Variants in MAP1A observed in about 807,000 individuals in gnomAD.
MAP1A encodes microtubule associated protein 1A.
Under a neutral mutation model 185.9 loss-of-function variants are expected in MAP1A, and 42 were observed. The observed-to-expected ratio is 0.23, with a 90% CI of 0.18 to 0.29. The LOEUF (loss-of-function observed/expected upper bound fraction) is 0.29. Among genes scored for constraint, MAP1A ranks in the 10% least tolerant of loss-of-function variants. MAP1A has a pLI of 1.00. For missense variants in MAP1A, 2,995 were observed against 3,450.4 expected, an observed-to-expected ratio of 0.87 and a Z score of 3.31; for synonymous variants, 1,229 against 1,335.9, an observed-to-expected ratio of 0.92 and a Z score of 1.74.
In MAP1A at chr15:43,529,412, C is replaced by T. The variant is rs2584698; in HGVS notation, c.7939C>T (p.Pro2647Ser). 1.2e-6 allele frequency: 2 copies of T among 1,613,812 alleles called. No individual in the cohort carries two copies. The highest frequency in any genetic ancestry group is 3.3e-5 in the Admixed American group (2 of 59,996). ...TCGAGCATCCCGGGCCCCACCTCGA[C>T]CACGCAGCACCACAAGCCAGGTCAC... Reference protein sequence around the residue: ...ADRASRAPPRPRSTTSQVTPA... With the variant: ...ADRASRAPPRSRSTTSQVTPA... The change falls in exon 4 of 6, where the codon CCA becomes TCA. Residue 2647 changes from proline (P) to serine (S), a missense_variant. This residue lies in a region of MAP1A where 2,728 missense variants were observed against 2,986.0 expected (regional missense o/e 0.91). Coordinates refer to ENST00000300231, the MANE Select transcript of MAP1A (RefSeq NM_002373.6). The surrounding 1 kb of genome is among the most constrained non-coding windows in gnomAD (Gnocchi z 4.3).
rs986319754 is a variant in MAP1A, at chr15:43,530,824, A to C, written c.*600A>C. On this transcript the variant is annotated 3_prime_UTR_variant, in exon 6 of 6. Coordinates refer to ENST00000300231, the MANE Select transcript of MAP1A (RefSeq NM_002373.6). The stretch of plus-strand genomic sequence containing the variant: ...CAGTATCTGAATGTCTCAATTTAAA[A>C]CTTGAAGCTCTTTAGACCAATAGAC... The C allele has an allele frequency of 5.2e-5, 8 of 154,980 alleles. No homozygotes were observed. 9.6% of individuals were successfully genotyped at this position (154,980 alleles called of 1,614,324 possible).
chr15:43,521,473 C>G lies in MAP1A; in HGVS notation c.-1C>G. On this transcript the variant is annotated 5_prime_UTR_variant, in exon 4 of 6. Coordinates refer to ENST00000300231, the MANE Select transcript of MAP1A (RefSeq NM_002373.6). This position sits in a 1 kb window ranked among gnomAD's most constrained non-coding sequence, Gnocchi z 4.6. Reference sequence around the variant, plus strand: ...TAAACCCTGAGCCCACTCTGCCCACCATGGACGGCGTGGCTGAGTTCTCCG... The same window carrying G: ...TAAACCCTGAGCCCACTCTGCCCACGATGGACGGCGTGGCTGAGTTCTCCG... 6.2e-7 allele frequency: 1 copy of G among 1,614,178 alleles called. No homozygotes were observed. The highest frequency in any genetic ancestry group is 8.5e-7 in the Non-Finnish European group (1 of 1,180,032).
Position 43,529,657 on chromosome 15 carries a change from G to C in MAP1A, c.8043G>C (p.Leu2681Phe). 1 of 1,614,120 alleles carries C rather than the reference G, an allele frequency of 6.2e-7. No homozygotes were observed. Among genetic ancestry groups the C allele is most frequent in the Non-Finnish European group, 8.5e-7 (1 of 1,179,984 alleles). The change falls in exon 5 of 6, where the codon TTG becomes TTC. Residue 2681 changes from leucine (L) to phenylalanine (F), a missense_variant. Physicochemically the swap from Leu to Phe is conservative, Grantham distance 22. Transcript: ENST00000300231. The surrounding 1 kb of genome is among the most constrained non-coding windows in gnomAD (Gnocchi z 4.3). ...CCTGGCTTGTCTCTACAGTGGCCTT[G>C]AGTTCCAAGGGCAGCTCTGGTGCCC... The part of the protein sequence containing the change: ...VNGLKAGPMA[L>F]SSKGSSGAPV...
chr15:43,522,844 G>C lies in MAP1A; in HGVS notation c.1371G>C (p.Lys457Asn). Residue 457 changes from lysine (K) to asparagine (N), a missense_variant, in exon 4 of 6, where the codon AAG (lysine) becomes AAC (asparagine). By Grantham distance (94) the Lys-to-Asn change is moderately conservative. Coordinates refer to ENST00000300231, the MANE Select transcript of MAP1A (RefSeq NM_002373.6). This position sits in a 1 kb window ranked among gnomAD's most constrained non-coding sequence, Gnocchi z 5.9. ...EKRKDTKPEL[K>N]KISKPDLKPF... ...GGAAAGATACCAAACCTGAGCTCAAGAAGATTTCCAAGCCAGACCTAAAGC... is the reference window on the plus strand; with the variant it reads ...GGAAAGATACCAAACCTGAGCTCAACAAGATTTCCAAGCCAGACCTAAAGC... 1 of 1,601,960 alleles carries C rather than the reference G, an allele frequency of 6.2e-7. No individual in the cohort carries two copies. Among genetic ancestry groups the C allele is most frequent in the Non-Finnish European group, 8.5e-7 (1 of 1,173,316 alleles).
In MAP1A at chr15:43,527,193, A is replaced by G. The variant is rs2079348338; in HGVS notation, c.5720A>G (p.Lys1907Arg). 6.2e-7 allele frequency: 1 copy of G among 1,614,050 alleles called. No individual in the cohort carries two copies. Among genetic ancestry groups the G allele is most frequent in the Non-Finnish European group, 8.5e-7 (1 of 1,179,976 alleles). Residue 1907 changes from lysine (K) to arginine (R), a missense_variant, in exon 4 of 6, where the codon AAG becomes AGG. Physicochemically the swap from Lys to Arg is conservative, Grantham distance 26. Transcript: ENST00000300231. Reference sequence around the variant, plus strand: ...GGTGGGCCATACTCCCCCCTGGGGAAGGACTACCGCAAGGCTGAAGGGGAA... The same window carrying G: ...GGTGGGCCATACTCCCCCCTGGGGAGGGACTACCGCAAGGCTGAAGGGGAA... ...LEGGPYSPLG[K>R]DYRKAEGERE...
rs563009950 is a variant in MAP1A, at chr15:43,523,492, C to A, written c.2019C>A (p.Asp673Glu). 4 of 1,613,808 alleles carry A rather than the reference C, an allele frequency of 2.5e-6. No homozygotes were observed. The highest frequency in any genetic ancestry group is 4.5e-5 in the East Asian group (2 of 44,884). Residue 673 changes from aspartate (D) to glutamate (E), a missense_variant, in exon 4 of 6, where the codon GAC (aspartate) becomes GAA (glutamate). Asp to Glu is a conservative substitution (Grantham distance 45, BLOSUM62 2). This residue lies in a region of MAP1A where 2,728 missense variants were observed against 2,986.0 expected (regional missense o/e 0.91). Coordinates refer to ENST00000300231, the MANE Select transcript of MAP1A (RefSeq NM_002373.6). ...EVHPSDEEEEDATKAEGFYQK... is the reference protein window; with the variant it reads ...EVHPSDEEEEEATKAEGFYQK... ...ACCCTTCAGATGAGGAGGAAGAGGA[C>A]GCGACAAAAGCTGAGGGTTTTTACC... is the stretch of plus-strand genomic sequence containing the variant.
rs2079351908 is a variant in MAP1A, at chr15:43,527,740, GT to G, written c.6268del (p.Ser2090ProfsTer131). The G allele has an allele frequency of 1.2e-6, 2 of 1,613,404 alleles. No homozygotes were observed. The highest frequency in any genetic ancestry group is 1.7e-6 in the Non-Finnish European group (2 of 1,179,850). On this transcript the variant is annotated frameshift_variant, in exon 4 of 6. Coordinates refer to ENST00000300231, the MANE Select transcript of MAP1A (RefSeq NM_002373.6). LOFTEE classifies it high-confidence loss of function. The part of the protein sequence containing the change: ...NILSCSPDRR[S>X]PSPKESGRSH... ...TCCTGAGCTGCAGCCCAGATAGGAG[GT>G]CCCCATCCCCCAAGGAATCAGGCCG... is the stretch of plus-strand genomic sequence containing the variant.
exon 1 of MAP1A, chr15:43,511,195 G>A (rs1261494649): frequency 1.3e-6 from 2 of 1,550,426 alleles, no homozygotes; most frequent in Non-Finnish European, 1.7e-6. Context: ...CAGAGAGTCA[G>A]CTGAGGGCCG....
At position 43,527,108 on chromosome 15, in the gene MAP1A, G is replaced by T. The variant is rs1341552051; in HGVS notation, c.5635G>T (p.Gly1879Cys). The stretch of plus-strand genomic sequence containing the variant: ...CCATACTCCTGCACCCTTCTCTTGG[G>T]GCACAGCCGAGTATGACAGTGTGGT... ...ESHTPAPFSW[G>C]TAEYDSVVAA... The change falls in exon 4 of 6, where the codon GGC (glycine) becomes TGC (cysteine). Residue 1879 changes from glycine to cysteine, a missense_variant. Coordinates refer to ENST00000300231, the MANE Select transcript of MAP1A (RefSeq NM_002373.6). 1.3e-6 allele frequency: 2 copies of T among 1,599,402 alleles called. No individual in the cohort carries two copies. Among genetic ancestry groups the T allele is most frequent in the East Asian group, 4.5e-5 (2 of 44,730 alleles).
Position 43,521,276 on chromosome 15 carries a change from A to T in MAP1A, c.-150-48A>T. ...TAGGGTACTGAATCTAAGTCAGACC[A>T]AAACAACTCTAGTGACCTGATCAGG... On this transcript the variant is annotated intron_variant, in intron 3 of 5. Coordinates refer to ENST00000300231, the MANE Select transcript of MAP1A (RefSeq NM_002373.6). The surrounding 1 kb of genome is among the most constrained non-coding windows in gnomAD (Gnocchi z 4.6). 1 of 1,518,400 alleles carries T rather than the reference A, an allele frequency of 6.6e-7. No homozygotes were observed. The highest frequency in any genetic ancestry group is 8.8e-7 in the Non-Finnish European group (1 of 1,135,772). 94.1% of individuals were successfully genotyped at this position (1,518,400 alleles called of 1,614,324 possible).
At chr15:43,520,499 A>G in intron 1 of MAP1A, 142 bp from the exon 2 acceptor site, 2 of 661,680 alleles carry the variant, frequency 3.0e-6, no homozygotes, top group Non-Finnish European at 5.4e-6. Flanking sequence ...CCTAGACCTT[A>G]CTCAGCAGTA....
intron 1 of MAP1A, among the ~76,000 whole-genome samples, chr15:43,518,223 C>T (rs912016950): frequency 1.3e-5 from 2 of 152,196 alleles, no homozygotes. Flanking sequence ...GTCACTAAGA[C>T]GTGGCACGCG....
chr15:43,525,258 C>T lies in MAP1A; in HGVS notation c.3785C>T (p.Thr1262Ile), dbSNP rs1156948972. Residue 1262 changes from threonine (T) to isoleucine (I), a missense_variant, in exon 4 of 6, where the codon ACA (threonine) becomes ATA (isoleucine). Transcript: ENST00000300231. ...TCTGTTCCAGAGCCCCATGCAGCCA[C>T]AGCGTCACCTCCCACAGATGGGACA... ...PMSVPEPHAA[T>I]ASPPTDGTTR... The T allele has an allele frequency of 2.5e-6, 4 of 1,614,202 alleles. No homozygotes were observed. The highest frequency in any genetic ancestry group is 2.2e-5 in the East Asian group (1 of 44,890).
In MAP1A at chr15:43,523,172, G is replaced by A. The variant is rs1023709094; in HGVS notation, c.1699G>A (p.Gly567Arg). 6.2e-7 allele frequency: 1 copy of A among 1,614,086 alleles called. No individual in the cohort carries two copies. Among genetic ancestry groups the A allele is most frequent in the Non-Finnish European group, 8.5e-7 (1 of 1,180,006 alleles). ...KPFPLDTAEE[G>R]PPSTAIQGTP... is the part of the protein sequence containing the mutation. ...ATTCCCTCTAGACACTGCAGAGGAG[G>A]GACCCCCAAGTACAGCTATCCAGGG... Residue 567 changes from glycine to arginine, a missense_variant, in exon 4 of 6, where the codon GGA becomes AGA. Transcript: ENST00000300231.
chr15:43,529,193 C>A lies in MAP1A; in HGVS notation c.7720C>A (p.Arg2574Ser). ...PQPDPRPSPP[R>S]PDVCMADPEG... Reference sequence around the variant, plus strand: ...GCCAGACCCCCGCCCATCCCCTCCCCGCCCTGATGTGTGCATGGCTGACCC... The same window carrying A: ...GCCAGACCCCCGCCCATCCCCTCCCAGCCCTGATGTGTGCATGGCTGACCC... Residue 2574 changes from arginine (R) to serine (S), a missense_variant, in exon 4 of 6, where the codon CGC (arginine) becomes AGC (serine). Transcript: ENST00000300231. The surrounding 1 kb of genome is among the most constrained non-coding windows in gnomAD (Gnocchi z 4.3). 6.2e-7 allele frequency: 1 copy of A among 1,612,290 alleles called. No homozygotes were observed. Among genetic ancestry groups the A allele is most frequent in the Non-Finnish European group, 8.5e-7 (1 of 1,179,202 alleles).
Position 43,523,803 on chromosome 15 carries a change from G to T in MAP1A, c.2330G>T (p.Gly777Val). ...CATACAAGTACATATGACCTGCCCG[G>T]GCCTGAAGGTGCTGGCCCATTCGAA... ...RFHTSTYDLPGPEGAGPFEAS... is the reference protein window; with the variant it reads ...RFHTSTYDLPVPEGAGPFEAS... The change falls in exon 4 of 6, where the codon GGG becomes GTG. Residue 777 changes from glycine (G) to valine (V), a missense_variant. Physicochemically the swap from Gly to Val is moderately radical, Grantham distance 109. Around this residue, in one of 3 missense-constraint regions of MAP1A, gnomAD observed 2,728 missense variants for 2,986.0 expected, o/e 0.91. Coordinates refer to ENST00000300231, the MANE Select transcript of MAP1A (RefSeq NM_002373.6). 3 of 1,614,018 alleles carry T rather than the reference G, an allele frequency of 1.9e-6. No individual in the cohort carries two copies. The highest frequency in any genetic ancestry group is 2.5e-6 in the Non-Finnish European group (3 of 1,180,006).
chr15:43,517,700 G>A lies in MAP1A; in HGVS notation c.-375G>A. The A allele has an allele frequency of 1.0e-6, 1 of 981,952 alleles. No individual in the cohort carries two copies. The highest frequency in any genetic ancestry group is 1.2e-6 in the Non-Finnish European group (1 of 827,064). The allele number at this position is 981,952 out of a possible 1,614,324, so 60.8% of individuals were successfully genotyped here. A position where few individuals can be genotyped will look rare whatever the true frequency, so the allele number is the denominator to read the frequency against. ...TGAGAGGCTTCCTCCTACACCCCAGGGTAAGAACCGAACCAAAGGGCTTGG... is the reference window on the plus strand; with the variant it reads ...TGAGAGGCTTCCTCCTACACCCCAGAGTAAGAACCGAACCAAAGGGCTTGG... On this transcript the variant is annotated splice_region_variant and 5_prime_UTR_variant, in exon 1 of 6. Coordinates refer to ENST00000300231, the MANE Select transcript of MAP1A (RefSeq NM_002373.6).
chr15:43,512,070 G>A (rs1322928282), intron 1 of MAP1A: 1 of 664,498 alleles, frequency 1.5e-6, no homozygotes, highest in Non-Finnish European at 2.8e-6. Context: ...GCTGATCATG[G>A]CAACTATCCA....
At chr15:43,519,764 C>T (rs1200437491) in intron 1 of MAP1A, among the ~76,000 whole-genome samples, 1 of 152,226 alleles carries the variant, frequency 6.6e-6, no homozygotes, top group Admixed American at 6.5e-5. Flanking sequence ...CCCTGAATCT[C>T]TCCTTCCTTA....
Sources: gnomAD v4.1 joint callset for allele counts (sites outside exome capture counted in the v4.1 genomes callset) on GRCh38, gnomAD v4.1.1 for gene constraint, gnomAD v4.1.1 regional missense constraint, Gnocchi (gnomAD v3.1) non-coding constraint, MANE v1.5 for transcripts, NCBI Gene and HGNC (gene_info 2026-07-23, HGNC 2026-07-21) for gene names.